WDR72: variants seen among roughly 807,000 people sequenced by gnomAD.
WDR72 encodes WD repeat-containing protein 72.
WDR72 carries 120 observed loss-of-function variants against 124.2 expected under a neutral mutation model. The observed-to-expected ratio is 0.97, with a 90% CI of 0.83 to 1.12. WDR72 has a LOEUF of 1.12. WDR72 is among the 50% of genes most tolerant of loss of function. The pLI is 0.00. For missense variants in WDR72, 1,387 were observed against 1,278.8 expected, an observed-to-expected ratio of 1.08 and a Z score of -1.29; for synonymous variants, 452 against 441.7, an observed-to-expected ratio of 1.02 and a Z score of -0.29.
At chr15:53,703,829 T>A (rs1045228082) in intron 11 of WDR72, among the ~76,000 whole-genome samples, 30 of 152,170 alleles carry the variant, frequency 2.0e-4, no homozygotes, top group African/African-American at 7.2e-4. Context: ...AAACTTCTAT[T>A]CCTTCAGGCA....
intron 18 of WDR72, among the ~76,000 whole-genome samples, chr15:53,532,654 G>A (rs1219595353): frequency 6.6e-6 from 1 of 151,982 alleles, no homozygotes; most frequent in Non-Finnish European, 1.5e-5. Context: ...TGGGAAGCGG[G>A]GGATAAGAAG....
At chr15:53,688,636 G>T (rs1319096186) in intron 13 of WDR72, among the ~76,000 whole-genome samples, 1 of 152,044 alleles carries the variant, frequency 6.6e-6, no homozygotes, top group Non-Finnish European at 1.5e-5. Context: ...TGGCCATACT[G>T]CCCCAAGGTA....
chr15:53,573,990 C>T (rs930274652), intron 18 of WDR72, among the ~76,000 whole-genome samples: 2 of 152,108 alleles, frequency 1.3e-5, no homozygotes, highest in East Asian at 1.9e-4. Context: ...TACTTTCTAA[C>T]GTTTGAGTAT....
intron 13 of WDR72, among the ~76,000 whole-genome samples, chr15:53,698,930 C>G (rs1256724152): frequency 1.3e-5 from 2 of 152,198 alleles, no homozygotes; most frequent in Non-Finnish European, 2.9e-5. Flanking sequence ...GTTGCACCCT[C>G]TAAACACTAG....
At chr15:53,607,706 C>A (rs1280652070) in intron 17 of WDR72, among the ~76,000 whole-genome samples, 1 of 151,976 alleles carries the variant, frequency 6.6e-6, no homozygotes, top group Non-Finnish European at 1.5e-5. Context: ...AAACAATCAA[C>A]AAAAACAAGA....
chr15:53,702,006 T>C (rs2017194748), intron 12 of WDR72, 128 bp downstream of exon 12: 1 of 602,608 alleles, frequency 1.7e-6, no homozygotes, highest in Non-Finnish European at 2.8e-6. Flanking sequence ...TCCAGTTGTA[T>C]TATAAGTACA....
intron 14 of WDR72, among the ~76,000 whole-genome samples, chr15:53,640,758 T>C (rs1288272600): frequency 1.3e-5 from 2 of 152,126 alleles, no homozygotes; most frequent in Non-Finnish European, 2.9e-5. Flanking sequence ...ATGTGCATTG[T>C]GGGCTTTTAG....
rs1185493123 is a variant in WDR72, at chr15:53,682,704, A to G, written c.1766-16936T>C. ...AGACTCCTTGCTAAAGCATAACAAGAGTCACCTTTATTCCAGTTCCCAACA... is the reference window on the plus strand; with the variant it reads ...AGACTCCTTGCTAAAGCATAACAAGGGTCACCTTTATTCCAGTTCCCAACA... On this transcript the variant is annotated intron_variant, in intron 13 of 19. Coordinates refer to ENST00000360509, the MANE Select transcript of WDR72 (RefSeq NM_182758.4). 2.6e-5 allele frequency among the ~76,000 whole-genome samples: 4 copies of G among 152,168 alleles called. No homozygotes were observed. The East Asian group carries it at 7.7e-4, about 29-fold the overall frequency.
intron 1 of WDR72, among the ~76,000 whole-genome samples, chr15:53,745,006 T>C (rs73412188): frequency 0.061 from 9,138 of 149,668 alleles, 974 homozygotes; most frequent in African/African-American, 0.22. Context: ...ACTATTTGTA[T>C]TATTTTAATT....
intron 18 of WDR72, among the ~76,000 whole-genome samples, chr15:53,573,212 G>A (rs1894617971): frequency 1.3e-5 from 2 of 152,144 alleles, no homozygotes; most frequent in African/African-American, 2.4e-5. Flanking sequence ...CTCCCTAAAT[G>A]TGCATGTGGC....
chr15:53,537,475 A>C (rs960682790), intron 18 of WDR72, among the ~76,000 whole-genome samples: 1 of 152,184 alleles, frequency 6.6e-6, no homozygotes, highest in African/African-American at 2.4e-5. Flanking sequence ...ATGCTATTAA[A>C]ATGCCCAGTT....
chr15:53,693,977 A>G (rs921410477), intron 13 of WDR72, among the ~76,000 whole-genome samples: 2 of 152,228 alleles, frequency 1.3e-5, no homozygotes, highest in Non-Finnish European at 1.5e-5. Flanking sequence ...ACTAGAAGAA[A>G]TGAACAAAAA....
Position 53,705,934 on chromosome 15 carries a change from A to G in WDR72, c.1095T>C (p.Ser365=). ...AAAAGGAAACTGACTTACCTCTAGG[A>G]GAACCATCAAACTTGGATACAGGAA... ...PDVPVSKFDG[S]PREIPVTATW... is the part of the protein sequence containing the mutation. The change falls in exon 10 of 20, where the codon TCT becomes TCC. Residue 365 remains serine (S), a synonymous_variant. Transcript: ENST00000360509. 1 of 1,614,132 alleles carries G rather than the reference A, an allele frequency of 6.2e-7. No homozygotes were observed. The highest frequency in any genetic ancestry group is 1.1e-5 in the South Asian group (1 of 91,088).
chr15:53,703,899 C>T (rs2017260399), intron 11 of WDR72, among the ~76,000 whole-genome samples: 1 of 152,174 alleles, frequency 6.6e-6, no homozygotes, highest in South Asian at 2.1e-4. Context: ...TGCTACAAGT[C>T]AAATATGGCT....
At chr15:53,639,079 G>A (rs925592077) in intron 14 of WDR72, among the ~76,000 whole-genome samples, 4 of 152,044 alleles carry the variant, frequency 2.6e-5, no homozygotes, top group African/African-American at 9.7e-5. Context: ...TTCTTGTAAT[G>A]GCAACATTCT....
intron 14 of WDR72, among the ~76,000 whole-genome samples, chr15:53,644,420 T>C (rs1347152453): frequency 6.6e-6 from 1 of 152,074 alleles, no homozygotes; most frequent in Non-Finnish European, 1.5e-5. Flanking sequence ...TTTTAAAGGA[T>C]TTTTTAAGCC....
In WDR72 at chr15:53,614,101, AC is replaced by A. The variant is rs1260581453; in HGVS notation, c.2781-345del. ...CTGACTAATGCAACAAATTTAAAAAACCCAATATGTTCACATCTGTCAAAGA... is the reference window on the plus strand; with the variant it reads ...CTGACTAATGCAACAAATTTAAAAAACCAATATGTTCACATCTGTCAAAGA... On this transcript the variant is annotated intron_variant, in intron 15 of 19. Coordinates refer to ENST00000360509, the MANE Select transcript of WDR72 (RefSeq NM_182758.4). Among the ~76,000 whole-genome samples the A allele has an allele frequency of 4.6e-5, 7 of 152,078 alleles. No homozygotes were observed. In the East Asian group the frequency reaches 7.7e-4, roughly 17 times the overall value.
chr15:53,628,632 A>G (rs2014302277), intron 14 of WDR72, among the ~76,000 whole-genome samples: 1 of 152,202 alleles, frequency 6.6e-6, no homozygotes, highest in Non-Finnish European at 1.5e-5. Context: ...AGATACAAAA[A>G]GAAATTACAG....
intron 1 of WDR72, among the ~76,000 whole-genome samples, chr15:53,750,944 C>T (rs2018759400): frequency 6.6e-6 from 1 of 152,182 alleles, no homozygotes; most frequent in South Asian, 2.1e-4. Flanking sequence ...ATGGAATCTA[C>T]TCCTGGTGAA....
Sources: gnomAD v4.1 joint callset for allele counts (sites outside exome capture counted in the v4.1 genomes callset) on GRCh38, gnomAD v4.1.1 for gene constraint, MANE v1.5 for transcripts, NCBI Gene and HGNC (gene_info 2026-07-23, HGNC 2026-07-21) for gene names.